Variants in CAMTA2 observed in about 807,000 individuals in gnomAD.
CAMTA2 encodes the protein calmodulin binding transcription activator 2, also known as calmodulin-binding transcription activator 2.
Under a neutral mutation model 135.7 loss-of-function variants are expected in CAMTA2, and 56 were observed. The observed-to-expected ratio is 0.41, with a 90% CI of 0.33 to 0.52. The LOEUF (loss-of-function observed/expected upper bound fraction) is 0.52. CAMTA2 is among the 20% of genes least tolerant of loss of function. The pLI is 0.16. For synonymous variants in CAMTA2, 591 were observed against 604.6 expected, an observed-to-expected ratio of 0.98 and a Z score of 0.33; for missense variants, 1,358 against 1,553.4, an observed-to-expected ratio of 0.87 and a Z score of 2.11.
chr17:4,974,573 C>T, intron 11 of CAMTA2, 73 bp from the exon 12 acceptor site: 3 of 876,070 alleles, frequency 3.4e-6, no homozygotes, highest in Non-Finnish European at 5.9e-6. Context: ...GTAGACCTGT[C>T]CCAAGATCTG....
In CAMTA2 at chr17:4,972,288, C is replaced by T; in HGVS notation, c.2752G>A (p.Asp918Asn). The part of the protein sequence containing the change: ...SSLPALPPAS[D>N]DGAAPEDADS... ...GCGTCCTCTGGAGCAGCCCCATCATCTGAAGCTGGTGGGAGGGCAGGAAGG... is the reference window on the plus strand; with the variant it reads ...GCGTCCTCTGGAGCAGCCCCATCATTTGAAGCTGGTGGGAGGGCAGGAAGG... Residue 918 changes from aspartate to asparagine, a missense_variant, in exon 16 of 23, where the codon GAT becomes AAT. Around this residue, in one of 4 missense-constraint regions of CAMTA2, gnomAD observed 1,077 missense variants for 1,127.5 expected, o/e 0.96. Coordinates refer to ENST00000348066, the MANE Select transcript of CAMTA2 (RefSeq NM_015099.4). 6.2e-7 allele frequency: 1 copy of T among 1,614,058 alleles called. No homozygotes were observed.
chr17:4,970,686 G>T, intron 16 of CAMTA2, 150 bp from the exon 17 acceptor site: 1 of 651,104 alleles, frequency 1.5e-6, no homozygotes, highest in Middle Eastern at 4.1e-4. Context: ...CATTTATACT[G>T]ATGGGGCTCC....
rs1973042303 is a variant in CAMTA2, at chr17:4,982,808, A to G, written c.288T>C (p.Asp96=). 1 of 1,614,060 alleles carries G rather than the reference A, an allele frequency of 6.2e-7. No individual in the cohort carries two copies. Among genetic ancestry groups the G allele is most frequent in the South Asian group, 1.1e-5 (1 of 91,070 alleles). Residue 96 remains aspartate, a synonymous_variant, in exon 5 of 23, where the codon GAT becomes GAC. Transcript: ENST00000348066. ...TGTGGTCCTCTCGGGTGGTCTTCCC[A>G]TCCTTCCGCTTCTTCCAGAGGTAAC... ...KDGYLWKKRK[D]GKTTREDHMK...
At chr17:4,986,602 T>C in intron 1 of CAMTA2, 1 of 507,050 alleles carries the variant, frequency 2.0e-6, no homozygotes, top group Non-Finnish European at 3.5e-6. Flanking sequence ...GGGCTATGGT[T>C]GGGTCAGGTC....
At chr17:4,983,188 C>T in intron 3 of CAMTA2, 145 bp from the exon 4 acceptor site, 1 of 678,272 alleles carries the variant, frequency 1.5e-6, no homozygotes, top group Non-Finnish European at 2.7e-6. Context: ...CCAGCAAGAC[C>T]CACTGCCCTC....
rs1972210580 is a variant in CAMTA2 at position 4,970,410 on chromosome 17, T to C, written c.2935A>G (p.Ser979Gly). Residue 979 changes from serine to glycine, a missense_variant, in exon 17 of 23, where the codon AGT becomes GGT. By Grantham distance (56) the Ser-to-Gly change is moderately conservative (BLOSUM62 0). Coordinates refer to ENST00000348066, the MANE Select transcript of CAMTA2 (RefSeq NM_015099.4). ...CTGGCCAGCCAGGACATGGTCTCAC[T>C]GAGCCCCACAGCCCCTGTCCGCTCC... ...MRERTGAVGLSETMSWLASYL... is the reference protein window; with the variant it reads ...MRERTGAVGLGETMSWLASYL... The C allele has an allele frequency of 1.2e-6, 2 of 1,614,222 alleles. No homozygotes were observed. Among genetic ancestry groups the C allele is most frequent in the Non-Finnish European group, 1.7e-6 (2 of 1,180,040 alleles).
rs779821069 is a variant in CAMTA2, at chr17:4,974,365, C to T, written c.2016+20G>A. The T allele has an allele frequency of 9.3e-6, 14 of 1,506,944 alleles. No individual in the cohort carries two copies. Among genetic ancestry groups the T allele is most frequent in the Admixed American group, 6.7e-5 (4 of 59,882 alleles). 93.3% of individuals were successfully genotyped at this position (1,506,944 alleles called of 1,614,324 possible). On this transcript the variant is annotated intron_variant, in intron 12 of 22. Transcript: ENST00000348066. ...CCCCCTGCTCCCCACCGTAGACCAC[C>T]TCCCTCCTCACAGAAGTACCTGAAC...
Position 4,986,236 on chromosome 17 carries a change from GGGGGCAAGGTCACCCCCGGCCTGA to G in CAMTA2, c.-38_-15del, listed in dbSNP as rs776549366. The G allele has an allele frequency of 8.7e-6, 14 of 1,607,270 alleles. No individual in the cohort carries two copies. The highest frequency in any genetic ancestry group is 1.1e-5 in the Non-Finnish European group (13 of 1,173,844). ...CTTGGTATTCATGGTGAGGGCTCCA[GGGGGCAAGGTCACCCCCGGCCTGA>G]GGGGCCGGGGGGAGGGGGAGTCTGT... On this transcript the variant is annotated 5_prime_UTR_variant, in exon 2 of 23. The change abolishes the stop of an existing upstream ORF in the 5' untranslated region. Transcript: ENST00000348066.
intron 6 of CAMTA2, 27 bp from the exon 7 acceptor site, chr17:4,981,858 C>A: frequency 6.4e-7 from 1 of 1,570,572 alleles, no homozygotes; most frequent in Non-Finnish European, 8.7e-7. Context: ...ACACACAGAG[C>A]CATGGGGTCC....
Position 4,969,220 on chromosome 17 carries a change from G to A in CAMTA2, c.3400C>T (p.His1134Tyr). ...GGCCTGCGGCGGTAGGAGCGGTAGT[G>A]CTGCTGGATGAGCACAGCCGCTCGG... ...SRRAAVLIQQ[H>Y]YRSYRRRPGP... The change falls in exon 21 of 23, where the codon CAC becomes TAC. Residue 1134 changes from histidine to tyrosine, a missense_variant. Coordinates refer to ENST00000348066, the MANE Select transcript of CAMTA2 (RefSeq NM_015099.4). The surrounding 1 kb of genome is among the most constrained non-coding windows in gnomAD (Gnocchi z 5.6). 1.2e-6 allele frequency: 2 copies of A among 1,613,316 alleles called. No homozygotes were observed. The highest frequency in any genetic ancestry group is 1.3e-5 in the African/African-American group (1 of 75,070).
At position 4,981,732 on chromosome 17, in the gene CAMTA2, G is replaced by T; in HGVS notation, c.511C>A (p.Arg171=). ...TCCCGGGACCACTTCAGCCACTCTC[G>T]ACGGTCGCTGCTGATGGAACAAAAG... The part of the protein sequence containing the change: ...PIFCSISSDR[R]EWLKWSREEL... Residue 171 remains arginine (R), a synonymous_variant, in exon 7 of 23, where the codon CGA becomes AGA. Coordinates refer to ENST00000348066, the MANE Select transcript of CAMTA2 (RefSeq NM_015099.4). The T allele has an allele frequency of 6.2e-7, 1 of 1,613,538 alleles. No homozygotes were observed. Among genetic ancestry groups the T allele is most frequent in the Non-Finnish European group, 8.5e-7 (1 of 1,179,730 alleles).
At chr17:4,971,148 C>G (rs1014253011) in intron 16 of CAMTA2, among the ~76,000 whole-genome samples, 5 of 152,232 alleles carry the variant, frequency 3.3e-5, no homozygotes, top group African/African-American at 1.2e-4. Flanking sequence ...CTTGAAGATT[C>G]ACTTTCATTC....
In CAMTA2 at chr17:4,968,395, G is replaced by A. The variant is rs778252170; in HGVS notation, c.*361C>T. On this transcript the variant is annotated 3_prime_UTR_variant, in exon 23 of 23. Transcript: ENST00000348066. ...GAAGGCAGTGGTGGGAACCGAGGCG[G>A]ATACATTCAGAGACGCGTCGAACAA... 7 of 393,508 alleles carry A rather than the reference G, an allele frequency of 1.8e-5. No individual in the cohort carries two copies. Among genetic ancestry groups the A allele is most frequent in the Non-Finnish European group, 3.3e-5 (7 of 212,544 alleles). 24.4% of individuals were successfully genotyped at this position (393,508 alleles called of 1,614,324 possible). A position where few individuals can be genotyped will look rare whatever the true frequency, so the allele number is the denominator to read the frequency against.
chr17:4,968,577 G>A lies in CAMTA2; in HGVS notation c.*179C>T. The A allele has an allele frequency of 2.1e-5, 14 of 656,110 alleles. No homozygotes were observed. Among genetic ancestry groups the A allele is most frequent in the Non-Finnish European group, 1.1e-5 (4 of 376,268 alleles). 40.6% of individuals were successfully genotyped at this position (656,110 alleles called of 1,614,324 possible). A position where few individuals can be genotyped will look rare whatever the true frequency, so the allele number is the denominator to read the frequency against. On this transcript the variant is annotated 3_prime_UTR_variant, in exon 23 of 23. Transcript: ENST00000348066. ...ACCAAAAGAGACGGGGCACGACCAG[G>A]AGGGACGAGGAGAGGGGTGTGGGAG...
At chr17:4,978,462 C>T (rs763710393) in intron 10 of CAMTA2, 42 bp downstream of exon 10, 10 of 1,605,310 alleles carry the variant, frequency 6.2e-6, no homozygotes, top group South Asian at 5.6e-5. Flanking sequence ...TCCTAACTGC[C>T]CACATGTCAG....
chr17:4,972,312 G>GGGA lies in CAMTA2; in HGVS notation c.2725_2727dup (p.Ser909dup). 1.2e-6 allele frequency: 2 copies of GGGA among 1,613,890 alleles called. No individual in the cohort carries two copies. Among genetic ancestry groups the GGGA allele is most frequent in the African/African-American group, 1.3e-5 (1 of 75,030 alleles). The stretch of plus-strand genomic sequence containing the variant: ...TCTGAAGCTGGTGGGAGGGCAGGAA[G>GGGA]GGAGGAGAGGGGCCCCTTGGAGTTG... On this transcript the variant is annotated inframe_insertion, in exon 16 of 23. Transcript: ENST00000348066.
At position 4,980,625 on chromosome 17, in the gene CAMTA2, G is replaced by A. The variant is rs771535863; in HGVS notation, c.701-4C>T. 1.6e-5 allele frequency: 25 copies of A among 1,610,680 alleles called. No individual in the cohort carries two copies. Among genetic ancestry groups the A allele is most frequent in the Non-Finnish European group, 3.4e-6 (4 of 1,177,208 alleles). On this transcript the variant is annotated splice_polypyrimidine_tract_variant and splice_region_variant and intron_variant, in intron 8 of 22. Transcript: ENST00000348066. This position sits in a 1 kb window ranked among gnomAD's most constrained non-coding sequence, Gnocchi z 5.3. ...TTGTGGGTAAGGCTCCCAGAACCTG[G>A]AGTGGAGAGGAGTAGGAGGGAGAGG...
chr17:4,986,769 A>G, intron 1 of CAMTA2: 1 of 566,044 alleles, frequency 1.8e-6, no homozygotes, highest in South Asian at 2.1e-5. Context: ...TCCAAGGGGA[A>G]GGGCAGATCT....
Position 4,969,287 on chromosome 17 carries a change from C to T in CAMTA2, c.3333G>A (p.Lys1111=). 2.5e-6 allele frequency: 4 copies of T among 1,614,088 alleles called. No individual in the cohort carries two copies. The highest frequency in any genetic ancestry group is 1.6e-4 in the Middle Eastern group (1 of 6,062). Residue 1111 remains lysine, a synonymous_variant, in exon 21 of 23, where the codon AAG becomes AAA. Coordinates refer to ENST00000348066, the MANE Select transcript of CAMTA2 (RefSeq NM_015099.4). This position sits in a 1 kb window ranked among gnomAD's most constrained non-coding sequence, Gnocchi z 5.6. ...MTQAAILIQS[K]FRSYYEQKRF... ...GCTTCTGTTCATAGTAGCTTCGGAA[C>T]TTGCTCTGGATCAGGATGGCCGCCT...
Sources: allele counts gnomAD v4.1 joint callset (sites outside exome capture counted in the v4.1 genomes callset), GRCh38; gene constraint gnomAD v4.1.1; regional missense constraint gnomAD v4.1.1; non-coding constraint Gnocchi (gnomAD v3.1); transcripts MANE v1.5; gene names NCBI Gene and HGNC (gene_info 2026-07-23, HGNC 2026-07-21).